Variants in HPSE2 observed in about 807,000 individuals in gnomAD.
HPSE2 encodes inactive heparanase-2.
In HPSE2, 38 loss-of-function variants were observed where a neutral mutation model predicts 60.5. The ratio of observed to expected loss-of-function variants is 0.63; its 90% CI spans 0.48 to 0.82. The LOEUF (loss-of-function observed/expected upper bound fraction) is 0.82, where lower values mean the gene tolerates loss of function less well. HPSE2 is among the 40% of genes least tolerant of loss of function. HPSE2 has a pLI of 0.00. For synonymous variants in HPSE2, 295 were observed against 293.2 expected (o/e 1.01, Z -0.06); for missense variants, 713 against 740.4 (o/e 0.96, Z 0.43).
At chr10:98,779,373 T>C (rs1433517192) in intron 3 of HPSE2, among the ~76,000 whole-genome samples, 1 of 152,138 alleles carries the variant, frequency 6.6e-6, no homozygotes, top group Non-Finnish European at 1.5e-5. Context: ...TGGAATCAAG[T>C]GTCTTAAAGC....
At chr10:98,726,660 A>AATC (rs1300259699) in intron 4 of HPSE2, among the ~76,000 whole-genome samples, 10 of 148,642 alleles carry the variant, frequency 6.7e-5, no homozygotes, top group African/African-American at 2.2e-4. Context: ...TAATAATAAT[A>AATC]ATAATAAAAG....
At chr10:99,242,642 A>G in the HPSE2 span, among the ~76,000 whole-genome samples, 1 of 152,216 alleles carries the variant, frequency 6.6e-6, no homozygotes, top group Admixed American at 6.5e-5. Flanking sequence ...ACATTCAGGT[A>G]AGTCCTGAAA....
At chr10:99,109,014 G>A (rs535115229) in intron 3 of HPSE2, among the ~76,000 whole-genome samples, 2 of 152,062 alleles carry the variant, frequency 1.3e-5, no homozygotes, top group South Asian at 4.1e-4. Flanking sequence ...CGGTCAGGAA[G>A]GCTCACCCAG....
At position 98,869,356 on chromosome 10, in the gene HPSE2, A is replaced by G. The variant is rs141717889; in HGVS notation, c.611-125300T>C. Among the ~76,000 whole-genome samples the G allele has an allele frequency of 5.6e-3, 852 of 152,272 alleles. 5 individuals carry two copies. Among genetic ancestry groups the G allele is most frequent in the African/African-American group, 0.019 (808 of 41,560 alleles). On this transcript the variant is annotated intron_variant, in intron 3 of 11. Coordinates refer to ENST00000370552, the MANE Select transcript of HPSE2 (RefSeq NM_021828.5). ...ATTAAGACATCTTTTTAAAACAAGCATATCAGAGCCCTAATGTCCAAATGA... is the reference window on the plus strand; with the variant it reads ...ATTAAGACATCTTTTTAAAACAAGCGTATCAGAGCCCTAATGTCCAAATGA...
the HPSE2 span, among the ~76,000 whole-genome samples, chr10:99,284,464 C>T: frequency 6.6e-6 from 1 of 152,080 alleles, no homozygotes; most frequent in Non-Finnish European, 1.5e-5. Context: ...TCACCTTACA[C>T]CAGATACAAA....
intron 2 of HPSE2, among the ~76,000 whole-genome samples, chr10:99,198,498 TTTTATA>T (rs1190509409): frequency 6.6e-6 from 1 of 152,212 alleles, no homozygotes; most frequent in Non-Finnish European, 1.5e-5. Context: ...TGGACTCCAC[TTTTATA>T]GAGCTTACAA....
chr10:98,619,489 C>T (rs879276806), intron 8 of HPSE2, among the ~76,000 whole-genome samples: 10 of 150,748 alleles, frequency 6.6e-5, no homozygotes, highest in Admixed American at 2.0e-4. Flanking sequence ...GATTTTTTTT[C>T]TCTCTCTCTG....
At chr10:99,113,866 G>A (rs1212597864) in intron 3 of HPSE2, among the ~76,000 whole-genome samples, 8 of 151,068 alleles carry the variant, frequency 5.3e-5, no homozygotes, top group South Asian at 2.1e-4. Flanking sequence ...ACTTCTTTTC[G>A]GACTATTTTT....
At chr10:98,646,625 G>A (rs575737268) in intron 6 of HPSE2, among the ~76,000 whole-genome samples, 15 of 152,294 alleles carry the variant, frequency 9.8e-5, no homozygotes, top group Non-Finnish European at 1.8e-4. Flanking sequence ...GTCATATCAA[G>A]CATATCTCTG....
upstream of HPSE2, among the ~76,000 whole-genome samples, chr10:99,240,478 T>A (rs897993454): frequency 4.0e-4 from 59 of 149,336 alleles, no homozygotes; most frequent in Non-Finnish European, 1.5e-4. Context: ...TGGTGCGATC[T>A]CAGCTCACTG....
chr10:99,175,045 G>T (rs1190948126), intron 2 of HPSE2, among the ~76,000 whole-genome samples: 4 of 152,110 alleles, frequency 2.6e-5, no homozygotes, highest in African/African-American at 9.7e-5. Flanking sequence ...AAGGGAAGCT[G>T]TGAGGGACTG....
chr10:98,861,925 G>A (rs891829058), intron 3 of HPSE2, among the ~76,000 whole-genome samples: 1 of 152,170 alleles, frequency 6.6e-6, no homozygotes, highest in Non-Finnish European at 1.5e-5. Context: ...CAGCTGGTGG[G>A]AGTGGATCTT....
intron 5 of HPSE2, among the ~76,000 whole-genome samples, chr10:98,696,330 AG>A (rs1250484700): frequency 6.9e-6 from 1 of 145,776 alleles, no homozygotes; most frequent in Non-Finnish European, 1.5e-5. Context: ...CATAATAGCG[AG>A]CCAATCCTGC....
chr10:98,600,889 A>G (rs1477231014), intron 9 of HPSE2, among the ~76,000 whole-genome samples: 2 of 65,972 alleles, frequency 3.0e-5, no homozygotes, highest in Admixed American at 2.0e-4. Flanking sequence ...ATATACATAT[A>G]TACGTATATA....
chr10:98,931,966 C>A (rs1231487480), intron 3 of HPSE2, among the ~76,000 whole-genome samples: 2 of 143,846 alleles, frequency 1.4e-5, no homozygotes, highest in Non-Finnish European at 3.0e-5. Context: ...TTATTTATTT[C>A]TCTTGCCTAA....
intron 3 of HPSE2, among the ~76,000 whole-genome samples, chr10:99,083,281 G>A (rs1018264158): frequency 7.2e-5 from 11 of 152,080 alleles, no homozygotes; most frequent in Non-Finnish European, 1.3e-4. Flanking sequence ...ACTGGCAAAG[G>A]CTGTCAAAAG....
At chr10:98,612,871 C>T (rs905409030) in intron 9 of HPSE2, among the ~76,000 whole-genome samples, 3 of 152,170 alleles carry the variant, frequency 2.0e-5, no homozygotes, top group Admixed American at 1.3e-4. Flanking sequence ...CTCCTTTCAG[C>T]TTACAAAGCC....
chr10:98,576,488 T>A (rs965022327), intron 9 of HPSE2, among the ~76,000 whole-genome samples: 3 of 151,854 alleles, frequency 2.0e-5, no homozygotes, highest in Non-Finnish European at 2.9e-5. Flanking sequence ...AAAACTGTAA[T>A]AAAAACTACC....
At chr10:98,733,304 T>G (rs1339052286) in intron 4 of HPSE2, among the ~76,000 whole-genome samples, 1 of 152,048 alleles carries the variant, frequency 6.6e-6, no homozygotes, top group Non-Finnish European at 1.5e-5. Context: ...TATTTTTTTG[T>G]AGAGATGGGG....
Sources: allele counts gnomAD v4.1 joint callset (sites outside exome capture counted in the v4.1 genomes callset), GRCh38; gene constraint gnomAD v4.1.1; transcripts MANE v1.5; gene names NCBI Gene and HGNC (gene_info 2026-07-23, HGNC 2026-07-21).